Variants in NKX1-1 observed in about 807,000 individuals in gnomAD.
The protein encoded by NKX1-1 is NK1 transcription factor-related protein 1.
NKX1-1 carries 7 observed loss-of-function variants against 1.7 expected under a neutral mutation model. The observed-to-expected ratio is 4.22, with a 90% CI of 2.40 to 7.92. NKX1-1 has a LOEUF of 7.92. Among genes scored for constraint, NKX1-1 ranks in the 30% most tolerant of loss-of-function variants. The probability of loss-of-function intolerance (pLI) is 0.00; values close to 1 mark genes in which losing one functional copy is unlikely to be tolerated. For missense variants in NKX1-1, 453 were observed against 171.5 expected (o/e 2.64, Z -9.17); for synonymous variants, 242 against 85.3 (o/e 2.84, Z -10.13).
Position 1,403,456 on chromosome 4 carries a change from C to T in NKX1-1, c.823G>A (p.Gly275Ser). ...APGGAGTTPQ[G>S]TATAAKPKRK... The stretch of plus-strand genomic sequence containing the variant: ...TTGGGCTTCGCCGCCGTCGCCGTGC[C>T]CTGCGGGGTGGTCCCCGCGCCCCCC... Residue 275 changes from glycine (G) to serine (S), a missense_variant, in exon 2 of 2, where the codon GGC becomes AGC. Coordinates refer to ENST00000422806, the MANE Select transcript of NKX1-1 (RefSeq NM_001290079.1). 1 of 619,378 alleles carries T rather than the reference C, an allele frequency of 1.6e-6. No homozygotes were observed. The highest frequency in any genetic ancestry group is 2.9e-6 in the Non-Finnish European group (1 of 346,156). The allele number at this position is 619,378 out of a possible 1,614,324, so 38.4% of individuals were successfully genotyped here. A position where few individuals can be genotyped will look rare whatever the true frequency, so the allele number is the denominator to read the frequency against.
At position 1,406,209 on chromosome 4, in the gene NKX1-1, G is replaced by T; in HGVS notation, c.234C>A (p.Arg78=). ...AGAARPAAPL[R]PTSFSVLDIL... The stretch of plus-strand genomic sequence containing the variant: ...TGTCCAGTACCGAGAAGGAGGTGGG[G>T]CGCAGGGGCGCTGCGGGCCGGGCCG... Residue 78 remains arginine (R), a synonymous_variant, in exon 1 of 2, where the codon CGC becomes CGA. Coordinates refer to ENST00000422806, the MANE Select transcript of NKX1-1 (RefSeq NM_001290079.1). 1.8e-6 allele frequency: 1 copy of T among 569,380 alleles called. No individual in the cohort carries two copies. Among genetic ancestry groups the T allele is most frequent in the Non-Finnish European group, 3.1e-6 (1 of 320,168 alleles). The allele number at this position is 569,380 out of a possible 1,614,324, so 35.3% of individuals were successfully genotyped here. A position where few individuals can be genotyped will look rare whatever the true frequency, so the allele number is the denominator to read the frequency against.
chr4:1,405,958 G>C, intron 1 of NKX1-1, 22 bp downstream of exon 1: 1 of 451,580 alleles, frequency 2.2e-6, no homozygotes, highest in East Asian at 3.5e-5. Context: ...CTGCGACCTG[G>C]TGCCGGGCGC....
chr4:1,406,084 G>T lies in NKX1-1; in HGVS notation c.359C>A (p.Ala120Asp), dbSNP rs1229644128. Residue 120 changes from alanine to aspartate, a missense_variant, in exon 1 of 2, where the codon GCC becomes GAC. Physicochemically the swap from Ala to Asp is moderately radical, Grantham distance 126 (BLOSUM62 -2). Transcript: ENST00000422806. ...ACAPCASAPC[A>D]PAPAASGRPP... ...GCGTCCCGAGGCGGCGGGTGCAGGG[G>T]CGCATGGGGCCGAAGCGCAAGGGGC... 3 of 536,056 alleles carry T rather than the reference G, an allele frequency of 5.6e-6. No homozygotes were observed. Among genetic ancestry groups the T allele is most frequent in the East Asian group, 3.5e-5 (1 of 28,518 alleles). The allele number at this position is 536,056 out of a possible 1,614,324, so 33.2% of individuals were successfully genotyped here.
chr4:1,403,350 G>A lies in NKX1-1; in HGVS notation c.929C>T (p.Ala310Val). The change falls in exon 2 of 2, where the codon GCG (alanine) becomes GTG (valine). Residue 310 changes from alanine (A) to valine (V), a missense_variant. By Grantham distance (64) the Ala-to-Val change is moderately conservative. Coordinates refer to ENST00000422806, the MANE Select transcript of NKX1-1 (RefSeq NM_001290079.1). ...RTAFTYEQLV[A>V]LENKFKATRY... ...CGTGGCCTTGAACTTGTTCTCCAGC[G>A]CCACGAGCTGCTCGTAGGTGAAGGC... The A allele has an allele frequency of 2.7e-6, 2 of 731,236 alleles. No individual in the cohort carries two copies. Among genetic ancestry groups the A allele is most frequent in the Non-Finnish European group, 4.8e-6 (2 of 418,236 alleles). 45.3% of individuals were successfully genotyped at this position (731,236 alleles called of 1,614,324 possible).
chr4:1,403,016 G>C lies in NKX1-1; in HGVS notation c.1263C>G (p.Phe421Leu), dbSNP rs1412143085. ...GCGAGAGCACCGCCGGGCTCGACAG[G>C]AACGGCAGCTGCGCGGCGCACACCA... ...GGLVCAAQLPFLSSPAVLSPF... is the reference protein window; with the variant it reads ...GGLVCAAQLPLLSSPAVLSPF... The change falls in exon 2 of 2, where the codon TTC (phenylalanine) becomes TTG (leucine). Residue 421 changes from phenylalanine (F) to leucine (L), a missense_variant. Physicochemically the swap from Phe to Leu is conservative, Grantham distance 22 (BLOSUM62 0). Transcript: ENST00000422806. The C allele has an allele frequency of 1.6e-6, 1 of 632,140 alleles. No individual in the cohort carries two copies. Among genetic ancestry groups the C allele is most frequent in the East Asian group, 3.4e-5 (1 of 29,820 alleles). The allele number at this position is 632,140 out of a possible 1,614,324, so 39.2% of individuals were successfully genotyped here.
Position 1,403,609 on chromosome 4 carries a change from C to T in NKX1-1, c.670G>A (p.Gly224Arg). The T allele has an allele frequency of 2.1e-6, 1 of 484,694 alleles. No homozygotes were observed. The highest frequency in any genetic ancestry group is 3.6e-6 in the Non-Finnish European group (1 of 281,512). 30.0% of individuals were successfully genotyped at this position (484,694 alleles called of 1,614,324 possible). Residue 224 changes from glycine to arginine, a missense_variant, in exon 2 of 2, where the codon GGG (glycine) becomes AGG (arginine). Transcript: ENST00000422806. ...TCAGCCGCGCCCTGGCAACCCGACC[C>T]GCGGGCCCCGAGGCCGCCGCCGCCT... ...RGGGGGLGAR[G>R]SGCQGAAETD... is the part of the protein sequence containing the mutation.
In NKX1-1 at chr4:1,404,304, AT is replaced by A. The variant is rs564792739; in HGVS notation, c.464-490del. 2.0e-5 allele frequency among the ~76,000 whole-genome samples: 3 copies of A among 152,346 alleles called. No individual in the cohort carries two copies. In the East Asian group the frequency reaches 5.8e-4, roughly 29 times the overall value. ...ATTACCGCCGGCGCAGGGCCAGCCA[AT>A]TGCCGGGCATTTAATAACAGGCCCG... On this transcript the variant is annotated intron_variant, in intron 1 of 1. Transcript: ENST00000422806.
At chr4:1,403,859 G>A (rs762433475) in intron 1 of NKX1-1, 44 bp from the exon 2 acceptor site, 19 of 576,962 alleles carry the variant, frequency 3.3e-5, no homozygotes, top group African/African-American at 9.9e-5. Flanking sequence ...AGTTAGGACC[G>A]GCCGGTTCCC....
chr4:1,403,568 G>T lies in NKX1-1; in HGVS notation c.711C>A (p.Pro237=). 2.2e-6 allele frequency: 1 copy of T among 453,060 alleles called. No individual in the cohort carries two copies. The highest frequency in any genetic ancestry group is 3.8e-6 in the Non-Finnish European group (1 of 261,528). 28.1% of individuals were successfully genotyped at this position (453,060 alleles called of 1,614,324 possible). Residue 237 remains proline, a synonymous_variant, in exon 2 of 2, where the codon CCC becomes CCA. Coordinates refer to ENST00000422806, the MANE Select transcript of NKX1-1 (RefSeq NM_001290079.1). ...CCGCTGCCTCGTCGACGGTGGCTCCGGGGGACGCGTCGGTCTCAGCCGCGC... is the reference window on the plus strand; with the variant it reads ...CCGCTGCCTCGTCGACGGTGGCTCCTGGGGACGCGTCGGTCTCAGCCGCGC... ...CQGAAETDAS[P]GATVDEAAAP...
rs1343431099 is a variant in NKX1-1 at position 1,403,407 on chromosome 4, G to A, written c.872C>T (p.Ser291Phe). The A allele has an allele frequency of 1.5e-6, 1 of 665,190 alleles. No homozygotes were observed. Among genetic ancestry groups the A allele is most frequent in the Non-Finnish European group, 2.7e-6 (1 of 368,374 alleles). The allele number at this position is 665,190 out of a possible 1,614,324, so 41.2% of individuals were successfully genotyped here. Residue 291 changes from serine (S) to phenylalanine (F), a missense_variant, in exon 2 of 2, where the codon TCC (serine) becomes TTC (phenylalanine). Coordinates refer to ENST00000422806, the MANE Select transcript of NKX1-1 (RefSeq NM_001290079.1). The stretch of plus-strand genomic sequence containing the variant: ...CGCTCGCCGCGGCTTCCCGGACTTG[G>A]AGTCGGACCCCGTGCGCTTCCGCTT... ...KPKRKRTGSD[S>F]KSGKPRRART...
At chr4:1,404,477 G>T (rs1344734122) in intron 1 of NKX1-1, among the ~76,000 whole-genome samples, 1 of 152,210 alleles carries the variant, frequency 6.6e-6, no homozygotes, top group South Asian at 2.1e-4. Flanking sequence ...CGGCCCCTGC[G>T]CAGAGTTGCC....
chr4:1,404,576 C>T (rs531511971), intron 1 of NKX1-1, among the ~76,000 whole-genome samples: 1 of 152,302 alleles, frequency 6.6e-6, no homozygotes, highest in Admixed American at 6.5e-5. Context: ...CCCGGTCGGC[C>T]GAGTCTGAAC....
rs565436251 is a variant in NKX1-1 at position 1,404,286 on chromosome 4, C to G, written c.464-471G>C. On this transcript the variant is annotated intron_variant, in intron 1 of 1. Transcript: ENST00000422806. ...GGCGTATATTACCCCCCAATTACCGCCGGCGCAGGGCCAGCCAATTGCCGG... is the reference window on the plus strand; with the variant it reads ...GGCGTATATTACCCCCCAATTACCGGCGGCGCAGGGCCAGCCAATTGCCGG... 4.3e-4 allele frequency among the ~76,000 whole-genome samples: 66 copies of G among 152,376 alleles called. 1 individual carries two copies. The highest frequency in any genetic ancestry group is 1.4e-3 in the African/African-American group (57 of 41,590).
chr4:1,403,730 G>A lies in NKX1-1; in HGVS notation c.549C>T (p.Ser183=). Residue 183 remains serine, a synonymous_variant, in exon 2 of 2, where the codon AGC becomes AGT. Transcript: ENST00000422806. ...CGGGAACCTCGTCCCCGCTGTCCGC[G>A]CTCGGGCTGTGGCCGCCGCCGCCGC... is the stretch of plus-strand genomic sequence containing the variant. ...YSSGGGGHSP[S]ADSGDEVPDD... 1 of 686,106 alleles carries A rather than the reference G, an allele frequency of 1.5e-6. No homozygotes were observed. The highest frequency in any genetic ancestry group is 1.5e-5 in the South Asian group (1 of 66,384). The allele number at this position is 686,106 out of a possible 1,614,324, so 42.5% of individuals were successfully genotyped here.
chr4:1,403,717 C>T lies in NKX1-1; in HGVS notation c.562G>A (p.Asp188Asn), dbSNP rs1226754440. 2 of 688,822 alleles carry T rather than the reference C, an allele frequency of 2.9e-6. No homozygotes were observed. Among genetic ancestry groups the T allele is most frequent in the East Asian group, 3.0e-5 (1 of 32,942 alleles). The allele number at this position is 688,822 out of a possible 1,614,324, so 42.7% of individuals were successfully genotyped here. A position where few individuals can be genotyped will look rare whatever the true frequency, so the allele number is the denominator to read the frequency against. ...GGHSPSADSG[D>N]EVPDDEDDDE... ...TCGTCCTCGTCGTCGGGAACCTCGTCCCCGCTGTCCGCGCTCGGGCTGTGG... is the reference window on the plus strand; with the variant it reads ...TCGTCCTCGTCGTCGGGAACCTCGTTCCCGCTGTCCGCGCTCGGGCTGTGG... The change falls in exon 2 of 2, where the codon GAC (aspartate) becomes AAC (asparagine). Residue 188 changes from aspartate to asparagine, a missense_variant. By Grantham distance (23) the Asp-to-Asn change is conservative (BLOSUM62 1). Transcript: ENST00000422806.
Position 1,406,268 on chromosome 4 carries a change from C to A in NKX1-1, c.175G>T (p.Asp59Tyr). 2.4e-6 allele frequency: 1 copy of A among 420,418 alleles called. No individual in the cohort carries two copies. Among genetic ancestry groups the A allele is most frequent in the Non-Finnish European group, 4.1e-6 (1 of 241,404 alleles). The allele number at this position is 420,418 out of a possible 1,614,324, so 26.0% of individuals were successfully genotyped here. A position where few individuals can be genotyped will look rare whatever the true frequency, so the allele number is the denominator to read the frequency against. ...CCCTCGGGCGCCGCAGGCACAGTGT[C>A]GCTGGCCGCGAGCGGCGGGGCTCCA... Reference protein sequence around the residue: ...RAGAPPLAASDTVPAAPEGAG... With the variant: ...RAGAPPLAASYTVPAAPEGAG... The change falls in exon 1 of 2, where the codon GAC (aspartate) becomes TAC (tyrosine). Residue 59 changes from aspartate to tyrosine, a missense_variant. Coordinates refer to ENST00000422806, the MANE Select transcript of NKX1-1 (RefSeq NM_001290079.1).
In NKX1-1 at chr4:1,406,393, G is replaced by C; in HGVS notation, c.50C>G (p.Pro17Arg). 1 of 355,242 alleles carries C rather than the reference G, an allele frequency of 2.8e-6. No individual in the cohort carries two copies. The highest frequency in any genetic ancestry group is 4.2e-5 in the East Asian group (1 of 23,688). The allele number at this position is 355,242 out of a possible 1,614,324, so 22.0% of individuals were successfully genotyped here. Residue 17 changes from proline to arginine, a missense_variant, in exon 1 of 2, where the codon CCG becomes CGG. Transcript: ENST00000422806. ...GGGCCCCGAACCTGGCTGGGGAGGC[G>C]GCGGTAGCGCGGGAATGTCCCCAGG... ...EAPGDIPALP[P>R]PPQPGSGPAP...
At chr4:1,405,252 AGGG>A (rs1390650993) in intron 1 of NKX1-1, among the ~76,000 whole-genome samples, 2 of 152,190 alleles carry the variant, frequency 1.3e-5, no homozygotes, top group Admixed American at 1.3e-4. Context: ...AGGGAGGAGG[AGGG>A]GACACAAAAA....
In NKX1-1 at chr4:1,403,157, G is replaced by GGCCCCCGGTCCCGGTCC; in HGVS notation, c.1105_1121dup (p.Gly375AspfsTer?). ...CGCCGGGCAGCCCCGTGCCAGGCCC[G>GGCCCCCGGTCCCGGTCC]GCCCCCGGTCCCGGTCCGCCCCCGC... On this transcript the variant is annotated frameshift_variant, in exon 2 of 2. Coordinates refer to ENST00000422806, the MANE Select transcript of NKX1-1 (RefSeq NM_001290079.1). LOFTEE classifies it low-confidence loss of function (END_TRUNC). 1.7e-6 allele frequency: 1 copy of GGCCCCCGGTCCCGGTCC among 574,596 alleles called. No homozygotes were observed. Among genetic ancestry groups the GGCCCCCGGTCCCGGTCC allele is most frequent in the Non-Finnish European group, 3.1e-6 (1 of 319,356 alleles). 35.6% of individuals were successfully genotyped at this position (574,596 alleles called of 1,614,324 possible). A position where few individuals can be genotyped will look rare whatever the true frequency, so the allele number is the denominator to read the frequency against.
Sources: allele counts gnomAD v4.1 joint callset (sites outside exome capture counted in the v4.1 genomes callset), GRCh38; gene constraint gnomAD v4.1.1; transcripts MANE v1.5; gene names NCBI Gene and HGNC (gene_info 2026-07-23, HGNC 2026-07-21).